The following GTF3C1 variants were observed in gnomAD, a reference collection of about 807,000 sequenced individuals.
GTF3C1 encodes the protein general transcription factor IIIC subunit 1.
Under a neutral mutation model 226.7 loss-of-function variants are expected in GTF3C1, and 57 were observed. The observed-to-expected ratio is 0.25, with a 90% CI of 0.20 to 0.31. The LOEUF (loss-of-function observed/expected upper bound fraction) is 0.31, where lower values mean the gene tolerates loss of function less well. Ranked by LOEUF, GTF3C1 falls within the 10% of genes least tolerant of loss-of-function variation. The pLI is 1.00. For synonymous variants in GTF3C1, 1,090 were observed against 1,084.8 expected (o/e 1.00, Z -0.09); for missense variants, 2,217 against 2,776.1 (o/e 0.80, Z 4.53).
At position 27,501,312 on chromosome 16, in the gene GTF3C1, T is replaced by G; in HGVS notation, c.1940A>C (p.Gln647Pro). 4 of 1,614,170 alleles carry G rather than the reference T, an allele frequency of 2.5e-6. No homozygotes were observed. Among genetic ancestry groups the G allele is most frequent in the Non-Finnish European group, 3.4e-6 (4 of 1,179,998 alleles). The change falls in exon 12 of 37, where the codon CAG becomes CCG. Residue 647 changes from glutamine (Q) to proline (P), a missense_variant. Around this residue, in one of 12 missense-constraint regions of GTF3C1, gnomAD observed 52 missense variants for 110.8 expected, o/e 0.47. Coordinates refer to ENST00000356183, the MANE Select transcript of GTF3C1 (RefSeq NM_001520.4). ...IQKMIMDQEK[Q>P]EGVSTKCCKK... is the part of the protein sequence containing the mutation. The stretch of plus-strand genomic sequence containing the variant: ...GCAGCACTTGGTGGACACGCCTTCC[T>G]GCTTCTCCTGATCCATGATCATCTT...
chr16:27,542,849 A>G (rs1462669507), intron 2 of GTF3C1, among the ~76,000 whole-genome samples: 1 of 152,216 alleles, frequency 6.6e-6, no homozygotes, highest in Non-Finnish European at 1.5e-5. Context: ...AGCCAGTGCC[A>G]TGCCCTTGAG....
In GTF3C1 at chr16:27,464,739, C is replaced by T. The variant is rs545590934; in HGVS notation, c.5453G>A (p.Arg1818Gln). 35 of 1,593,884 alleles carry T rather than the reference C, an allele frequency of 2.2e-5. No homozygotes were observed. Among genetic ancestry groups the T allele is most frequent in the African/African-American group, 2.0e-4 (15 of 74,668 alleles). The change falls in exon 34 of 37, where the codon CGG becomes CAG. Residue 1818 changes from arginine (R) to glutamine (Q), a missense_variant. Transcript: ENST00000356183. ...GTCGGCGTCTTCTCTGTCTTTCAGCCGCACGGAGTGCAGGAGCCAAGGCCA... is the reference window on the plus strand; with the variant it reads ...GTCGGCGTCTTCTCTGTCTTTCAGCTGCACGGAGTGCAGGAGCCAAGGCCA... ...SAWPWLLHSV[R>Q]LKDREDADIQ...
intron 6 of GTF3C1, among the ~76,000 whole-genome samples, chr16:27,524,774 T>A (rs559320852): frequency 1.3e-5 from 2 of 152,376 alleles, no homozygotes; most frequent in African/African-American, 4.8e-5. Context: ...CCTTAACACC[T>A]TTCTTCCAAC....
intron 17 of GTF3C1, 58 bp downstream of exon 17, chr16:27,493,141 C>T: frequency 5.5e-6 from 5 of 900,950 alleles, no homozygotes; most frequent in Non-Finnish European, 9.4e-6. Context: ...GCTTAGAGCC[C>T]TGACTTAAGG....
intron 2 of GTF3C1, among the ~76,000 whole-genome samples, chr16:27,541,654 G>A (rs1420777494): frequency 3.9e-5 from 6 of 152,192 alleles, no homozygotes; most frequent in Non-Finnish European, 8.8e-5. Context: ...ATGATGTGGC[G>A]ACGTGAAGAT....
chr16:27,511,632 C>G, intron 7 of GTF3C1, 117 bp downstream of exon 7: 1 of 1,086,078 alleles, frequency 9.2e-7, no homozygotes. Flanking sequence ...GGAACCAAGG[C>G]ACTTCCCATT....
Position 27,470,037 on chromosome 16 carries a change from C to G in GTF3C1, c.4814+71G>C, listed in dbSNP as rs1032732036. ...CAAGCTCCCAGAAGGCACTGCTGAC[C>G]CCTGCCCGTCTGTATCTGGCCAATG... On this transcript the variant is annotated intron_variant, in intron 31 of 36. Transcript: ENST00000356183. This position sits in a 1 kb window ranked among gnomAD's most constrained non-coding sequence, Gnocchi z 4.9. 8 of 1,273,058 alleles carry G rather than the reference C, an allele frequency of 6.3e-6. No homozygotes were observed. Among genetic ancestry groups the G allele is most frequent in the Non-Finnish European group, 7.8e-6 (7 of 901,192 alleles). 78.9% of individuals were successfully genotyped at this position (1,273,058 alleles called of 1,614,324 possible).
chr16:27,536,016 A>C (rs2141451407), intron 4 of GTF3C1, among the ~76,000 whole-genome samples: 1 of 152,314 alleles, frequency 6.6e-6, no homozygotes, highest in East Asian at 1.9e-4. Flanking sequence ...GAAAAAGTTA[A>C]ATTGCTTGAC....
rs755580417 is a variant in GTF3C1 at position 27,492,641 on chromosome 16, C to T, written c.2949G>A (p.Thr983=). 92 of 1,602,388 alleles carry T rather than the reference C, an allele frequency of 5.7e-5. No homozygotes were observed. Among genetic ancestry groups the T allele is most frequent in the Middle Eastern group, 1.7e-4 (1 of 6,060 alleles). The change falls in exon 18 of 37, where the codon ACG becomes ACA. Residue 983 remains threonine (T), a synonymous_variant. Coordinates refer to ENST00000356183, the MANE Select transcript of GTF3C1 (RefSeq NM_001520.4). The surrounding 1 kb of genome is among the most constrained non-coding windows in gnomAD (Gnocchi z 5.0). ...CCTGATCTTTATCCTGAAACTTTTC[C>T]GTGGGACCAAACTGTAGCAGCCCCA... ...CYMGLLQFGP[T]EKFQDKDQVF...
At chr16:27,475,884 T>A (rs1432854862) in intron 29 of GTF3C1, among the ~76,000 whole-genome samples, 2 of 152,218 alleles carry the variant, frequency 1.3e-5, no homozygotes, top group Admixed American at 6.5e-5. Flanking sequence ...TCCTTTGCCA[T>A]GCCTCATTTC....
At chr16:27,486,722 G>A (rs57441137) in intron 23 of GTF3C1, among the ~76,000 whole-genome samples, 6,247 of 152,262 alleles carry the variant, frequency 0.041, 199 homozygotes, top group African/African-American at 0.095. Flanking sequence ...CAGTGAGATC[G>A]GTGTAGTTAA....
intron 5 of GTF3C1, 25 bp downstream of exon 5, chr16:27,533,266 C>A: frequency 8.1e-7 from 1 of 1,239,120 alleles, no homozygotes; most frequent in Non-Finnish European, 1.2e-6. Flanking sequence ...CACCCAGCCC[C>A]GCCCGTGGGA....
intron 11 of GTF3C1, among the ~76,000 whole-genome samples, chr16:27,502,250 G>A (rs968929563): frequency 6.6e-6 from 1 of 152,154 alleles, no homozygotes; most frequent in African/African-American, 2.4e-5. Context: ...CGGAGTATGA[G>A]GAAGAAGCCA....
At position 27,533,837 on chromosome 16, in the gene GTF3C1, C is replaced by T. The variant is rs774458285; in HGVS notation, c.753-450G>A. 1.6e-4 allele frequency among the ~76,000 whole-genome samples: 24 copies of T among 152,268 alleles called. 1 individual carries two copies. Among genetic ancestry groups the T allele is most frequent in the Non-Finnish European group, 2.9e-4 (20 of 68,016 alleles). ...CCTGGCCAACATGGTGAAAACCTAT[C>T]TCTACTACAAATACAAAAATTAGCC... On this transcript the variant is annotated intron_variant, in intron 4 of 36. Transcript: ENST00000356183.
At chr16:27,464,960 C>A in intron 33 of GTF3C1, 124 bp from the exon 34 acceptor site, 2 of 806,962 alleles carry the variant, frequency 2.5e-6, no homozygotes, top group South Asian at 1.9e-5. Context: ...CCCAGGCCCA[C>A]GAGGCAGGCC....
chr16:27,542,577 A>G (rs1567417391), intron 2 of GTF3C1, among the ~76,000 whole-genome samples: 1 of 151,992 alleles, frequency 6.6e-6, no homozygotes, highest in Non-Finnish European at 1.5e-5. Context: ...GAAAAAAAAA[A>G]AAAAGTTTAA....
intron 24 of GTF3C1, among the ~76,000 whole-genome samples, chr16:27,484,571 C>T (rs1399458597): frequency 3.3e-5 from 5 of 152,112 alleles, no homozygotes; most frequent in African/African-American, 1.2e-4. Flanking sequence ...CAGTGACCAG[C>T]GGGAAAGAGT....
chr16:27,484,676 C>A (rs952869319), intron 24 of GTF3C1, among the ~76,000 whole-genome samples: 4 of 152,202 alleles, frequency 2.6e-5, no homozygotes, highest in Non-Finnish European at 5.9e-5. Flanking sequence ...CATGGGGATG[C>A]AAAGTGTGTT....
Position 27,489,761 on chromosome 16 carries a change from A to T in GTF3C1, c.3152-18T>A, listed in dbSNP as rs1384144154. On this transcript the variant is annotated intron_variant, in intron 19 of 36. Transcript: ENST00000356183. ...CACCACGCCTGGAAAACCAAACATC[A>T]GGGTGACCAATCACGCCTTCCTGCT... 1.2e-6 allele frequency: 2 copies of T among 1,606,142 alleles called. No homozygotes were observed. The highest frequency in any genetic ancestry group is 1.7e-6 in the Non-Finnish European group (2 of 1,176,980).
Sources: allele counts gnomAD v4.1 joint callset (sites outside exome capture counted in the v4.1 genomes callset), GRCh38; gene constraint gnomAD v4.1.1; regional missense constraint gnomAD v4.1.1; non-coding constraint Gnocchi (gnomAD v3.1); transcripts MANE v1.5; gene names NCBI Gene and HGNC (gene_info 2026-07-23, HGNC 2026-07-21).